The following PDZD2 variants were observed in gnomAD, a reference collection of about 807,000 sequenced individuals.
PDZD2 encodes PDZ domain containing 2, also known as PDZ domain-containing protein 2.
Under a neutral mutation model 220.7 loss-of-function variants are expected in PDZD2, and 90 were observed. The observed-to-expected ratio is 0.41, with a 90% confidence interval of 0.34 to 0.49. The LOEUF (loss-of-function observed/expected upper bound fraction) is 0.49. PDZD2 is among the 20% of genes least tolerant of loss of function. The pLI is 0.28. For missense variants in PDZD2, 3,174 were observed against 3,608.5 expected (o/e 0.88, Z 3.08); for synonymous variants, 1,375 against 1,450.5 (o/e 0.95, Z 1.18).
chr5:31,710,276 G>T (rs924210480), intron 1 of PDZD2, among the ~76,000 whole-genome samples: 1 of 152,196 alleles, frequency 6.6e-6, no homozygotes, highest in Non-Finnish European at 1.5e-5. Context: ...TGTCACATGG[G>T]TGACAGTTTT....
At chr5:31,858,927 C>T (rs1198894458) in intron 2 of PDZD2, among the ~76,000 whole-genome samples, 1 of 152,138 alleles carries the variant, frequency 6.6e-6, no homozygotes, top group Non-Finnish European at 1.5e-5. Flanking sequence ...CCATGTTGCC[C>T]AGGCTGGCCT....
intron 2 of PDZD2, among the ~76,000 whole-genome samples, chr5:31,886,788 C>G (rs184395091): frequency 3.0e-4 from 46 of 152,064 alleles, no homozygotes; most frequent in African/African-American, 1.1e-3. Context: ...AACTCCGCCT[C>G]CCGGGTTCAC....
rs76201043 is a variant in PDZD2 at position 31,993,809 on chromosome 5, C to T, written c.979-1767C>T. On this transcript the variant is annotated intron_variant, in intron 3 of 24. Transcript: ENST00000438447. ...TACAGGGGTGAGTCTGAAGTGAGAC[C>T]CCAAAGTAAATCACTTTGGAAAGTT... 8.2e-3 allele frequency among the ~76,000 whole-genome samples: 1,242 copies of T among 152,120 alleles called. 7 individuals are homozygous for T. Among genetic ancestry groups the T allele is most frequent in the African/African-American group, 0.012 (491 of 41,480 alleles).
At chr5:31,674,144 G>C (rs1036070403) in intron 1 of PDZD2, among the ~76,000 whole-genome samples, 13 of 152,158 alleles carry the variant, frequency 8.5e-5, no homozygotes, top group African/African-American at 3.1e-4. Context: ...AAGCCACCCA[G>C]TCTACAGTAC....
chr5:31,818,850 C>CATGT (rs1472649468), intron 2 of PDZD2, among the ~76,000 whole-genome samples: 4 of 152,152 alleles, frequency 2.6e-5, no homozygotes, highest in South Asian at 2.1e-4. Context: ...AGTCTGTGAC[C>CATGT]ATGTGCCTAC....
chr5:31,675,933 C>G (rs1294395339), intron 1 of PDZD2, among the ~76,000 whole-genome samples: 1 of 152,164 alleles, frequency 6.6e-6, no homozygotes, highest in Non-Finnish European at 1.5e-5. Flanking sequence ...AACTCCTGGG[C>G]TCAAGCAATC....
intron 1 of PDZD2, among the ~76,000 whole-genome samples, chr5:31,729,016 G>T (rs1233669846): frequency 6.6e-6 from 1 of 151,650 alleles, no homozygotes; most frequent in Non-Finnish European, 1.5e-5. Context: ...ACCGCGCCCG[G>T]CCGCAATGTG....
chr5:31,719,091 T>C (rs1580616956), intron 1 of PDZD2, among the ~76,000 whole-genome samples: 1 of 152,214 alleles, frequency 6.6e-6, no homozygotes, highest in Admixed American at 6.5e-5. Flanking sequence ...TTTCAACATA[T>C]GAATTTGTGG....
chr5:32,063,770 G>T (rs376540106), intron 14 of PDZD2, among the ~76,000 whole-genome samples: 3 of 152,198 alleles, frequency 2.0e-5, no homozygotes, highest in Admixed American at 6.6e-5. Context: ...AGGACATTAC[G>T]AACTACACAA....
Position 32,087,961 on chromosome 5 carries a change from G to A in PDZD2, c.4513G>A (p.Asp1505Asn). The change falls in exon 20 of 25, where the codon GAT becomes AAT. Residue 1505 changes from aspartate (D) to asparagine (N), a missense_variant. Asp to Asn is a conservative substitution (Grantham distance 23, BLOSUM62 1). Transcript: ENST00000438447. This position sits in a 1 kb window ranked among gnomAD's most constrained non-coding sequence, Gnocchi z 4.0. ...PQWASQPSVL[D>N]SINPDKHFTV... ...ATGGGCCTCCCAGCCTTCGGTTTTA[G>A]ATTCAATTAATCCCGACAAACATTT... 1 of 1,614,142 alleles carries A rather than the reference G, an allele frequency of 6.2e-7. No homozygotes were observed. The highest frequency in any genetic ancestry group is 8.5e-7 in the Non-Finnish European group (1 of 1,179,990).
At chr5:31,979,375 G>C (rs1035481734) in intron 2 of PDZD2, among the ~76,000 whole-genome samples, 7 of 152,062 alleles carry the variant, frequency 4.6e-5, no homozygotes, top group African/African-American at 1.7e-4. Flanking sequence ...TTCCAGACCA[G>C]CCTGTCCACC....
intron 2 of PDZD2, among the ~76,000 whole-genome samples, chr5:31,948,901 C>T (rs370204926): frequency 2.6e-5 from 4 of 151,884 alleles, no homozygotes; most frequent in African/African-American, 9.7e-5. Context: ...GAGTTGAAGA[C>T]CAGCCTGGCC....
intron 1 of PDZD2, among the ~76,000 whole-genome samples, chr5:31,680,279 C>T (rs556503247): frequency 6.6e-6 from 1 of 152,290 alleles, no homozygotes; most frequent in African/African-American, 2.4e-5. Context: ...AGCTTCCCTT[C>T]ACAGAAAGGC....
chr5:31,888,501 G>A (rs1740724110), intron 2 of PDZD2, among the ~76,000 whole-genome samples: 1 of 152,064 alleles, frequency 6.6e-6, no homozygotes, highest in Middle Eastern at 3.2e-3. Flanking sequence ...CCCATTGAAG[G>A]TTTTCTAAAA....
chr5:31,777,088 C>T (rs990621927), intron 1 of PDZD2, among the ~76,000 whole-genome samples: 1 of 152,196 alleles, frequency 6.6e-6, no homozygotes, highest in Non-Finnish European at 1.5e-5. Flanking sequence ...CCTCTGCTTG[C>T]TGGGAGGTGT....
intron 2 of PDZD2, among the ~76,000 whole-genome samples, chr5:31,815,245 C>CAAAAAAA (rs59040987): frequency 9.7e-4 from 56 of 57,882 alleles, no homozygotes; most frequent in African/African-American, 2.2e-3. Flanking sequence ...AACTCTGTCT[C>CAAAAAAA]AAAAAAAAAA....
At chr5:31,808,770 A>T (rs1333399392) in intron 2 of PDZD2, among the ~76,000 whole-genome samples, 3 of 152,100 alleles carry the variant, frequency 2.0e-5, no homozygotes, top group Admixed American at 6.5e-5. Flanking sequence ...TGAGGTCAGG[A>T]GTTTGAGACC....
chr5:31,672,393 TC>T (rs1332700067), intron 1 of PDZD2, among the ~76,000 whole-genome samples: 1 of 152,096 alleles, frequency 6.6e-6, no homozygotes, highest in African/African-American at 2.4e-5. Context: ...ACCCAAAGGC[TC>T]AAAGGTGTAC....
chr5:32,056,483 G>T (rs1403308026), intron 10 of PDZD2, among the ~76,000 whole-genome samples: 1 of 152,180 alleles, frequency 6.6e-6, no homozygotes, highest in Non-Finnish European at 1.5e-5. Flanking sequence ...CATCTTTGTA[G>T]TGTTTTTGAT....
Sources: allele counts gnomAD v4.1 joint callset (sites outside exome capture counted in the v4.1 genomes callset), GRCh38; gene constraint gnomAD v4.1.1; non-coding constraint Gnocchi (gnomAD v3.1); transcripts MANE v1.5; gene names NCBI Gene and HGNC (gene_info 2026-07-23, HGNC 2026-07-21).